Variants in NAV2 observed in about 807,000 individuals in gnomAD.
The protein encoded by NAV2 is neuron navigator 2, also known as helicase, APC down-regulated 1.
A neutral mutation model predicts 223.2 loss-of-function variants in NAV2; 54 were observed. That is an observed-to-expected ratio of 0.24 (90% CI 0.19 to 0.30). The LOEUF is 0.30. NAV2 is among the 10% of genes least tolerant of loss of function. NAV2 has a pLI of 1.00. For synonymous variants in NAV2, 1,279 were observed against 1,239.3 expected (o/e 1.03, Z -0.67); for missense variants, 2,806 against 3,147.5 (o/e 0.89, Z 2.60).
rs563169592 is a variant in NAV2, at chr11:19,873,994, T to C, written c.511+4997T>C. On this transcript the variant is annotated intron_variant, in intron 4 of 37. Coordinates refer to ENST00000349880, the MANE Select transcript of NAV2 (RefSeq NM_145117.5). ...ACAACCATGGCTCAAAGGAATTGAATAGGAGTTCTGCAGCTCTGTGGTTTG... is the reference window on the plus strand; with the variant it reads ...ACAACCATGGCTCAAAGGAATTGAACAGGAGTTCTGCAGCTCTGTGGTTTG... Among the ~76,000 whole-genome samples, 3 of 152,328 alleles carry C rather than the reference T, an allele frequency of 2.0e-5. No individual in the cohort carries two copies. In the East Asian group the frequency reaches 5.8e-4, roughly 29 times the overall value.
chr11:19,358,210 G>A (rs142666938), intron 1 of NAV2, among the ~76,000 whole-genome samples: 33 of 152,304 alleles, frequency 2.2e-4, no homozygotes, highest in Non-Finnish European at 4.6e-4. Context: ...AGGAGATGCG[G>A]ATGGCAGAGC....
At chr11:19,997,128 A>G (rs1415827413) in intron 11 of NAV2, among the ~76,000 whole-genome samples, 1 of 152,170 alleles carries the variant, frequency 6.6e-6, no homozygotes, top group Non-Finnish European at 1.5e-5. Context: ...TTGAAGCCCT[A>G]GAGAAGATGT....
At chr11:20,093,663 C>T (rs987894087) in intron 29 of NAV2, among the ~76,000 whole-genome samples, 2 of 152,022 alleles carry the variant, frequency 1.3e-5, no homozygotes, top group South Asian at 4.2e-4. Context: ...GATGCCAAGC[C>T]CTGGGAGCAT....
At chr11:20,114,456 A>C in intron 36 of NAV2, 136 bp from the exon 37 acceptor site, 1 of 759,274 alleles carries the variant, frequency 1.3e-6, no homozygotes, top group Non-Finnish European at 2.2e-6. Context: ...CTTCCTGAGC[A>C]TGGAATAGAA....
At chr11:19,768,207 G>A (rs191385879) in intron 1 of NAV2, among the ~76,000 whole-genome samples, 130 of 152,344 alleles carry the variant, frequency 8.5e-4, no homozygotes, top group Middle Eastern at 3.4e-3. Flanking sequence ...AGGCAGGGAG[G>A]CAATCTCTGA....
At chr11:19,586,796 G>T (rs1049200278) in intron 1 of NAV2, among the ~76,000 whole-genome samples, 1 of 152,220 alleles carries the variant, frequency 6.6e-6, no homozygotes, top group South Asian at 2.1e-4. Context: ...CTACTGGGGG[G>T]TGCCTCCCAG....
At chr11:19,887,331 G>A (rs757378082) in intron 5 of NAV2, among the ~76,000 whole-genome samples, 10 of 151,890 alleles carry the variant, frequency 6.6e-5, no homozygotes, top group South Asian at 2.1e-4. Context: ...ATTGCCTCCC[G>A]GCCTCCCTGG....
intron 8 of NAV2, among the ~76,000 whole-genome samples, chr11:19,944,259 G>C (rs966852312): frequency 2.0e-5 from 3 of 152,184 alleles, no homozygotes; most frequent in African/African-American, 7.2e-5. Flanking sequence ...AGACTGCACT[G>C]TGTCCTAGCT....
chr11:19,978,209 G>A (rs2049973679), intron 10 of NAV2, among the ~76,000 whole-genome samples: 2 of 151,954 alleles, frequency 1.3e-5, no homozygotes, highest in South Asian at 2.1e-4. Context: ...GAGTGAAGTT[G>A]ATTCATCTGT....
intron 1 of NAV2, among the ~76,000 whole-genome samples, chr11:19,591,797 A>T (rs879388015): frequency 1.3e-5 from 2 of 152,196 alleles, no homozygotes; most frequent in African/African-American, 2.4e-5. Context: ...CTGAAATGGA[A>T]GATCTCTTTG....
At chr11:19,627,717 C>T (rs972444212) in intron 1 of NAV2, among the ~76,000 whole-genome samples, 1 of 152,002 alleles carries the variant, frequency 6.6e-6, no homozygotes, top group East Asian at 1.9e-4. Context: ...GGTAAGAGAA[C>T]ATGCCCCCTT....
intron 12 of NAV2, among the ~76,000 whole-genome samples, chr11:20,037,981 G>GAC (rs1439780601): frequency 1.3e-5 from 2 of 152,180 alleles, no homozygotes; most frequent in African/African-American, 4.8e-5. Context: ...ACTGCAGAGA[G>GAC]AGAGAGAGAG....
intron 1 of NAV2, among the ~76,000 whole-genome samples, chr11:19,356,163 T>A (rs778616486): frequency 2.0e-5 from 3 of 152,114 alleles, no homozygotes; most frequent in Non-Finnish European, 2.9e-5. Flanking sequence ...GGATGGACAG[T>A]GAGGACCTAC....
At position 20,063,012 on chromosome 11, in the gene NAV2, G is replaced by C. The variant is rs1056667092; in HGVS notation, c.4884+653G>C. 2.6e-5 allele frequency among the ~76,000 whole-genome samples: 4 copies of C among 152,122 alleles called. No homozygotes were observed. In the South Asian group the frequency reaches 8.3e-4, roughly 32 times the overall value. ...CCGAACAGCCTCAGTTTCTTTATCT[G>C]TAAAGTAGAAATAATAGCAGTTCCT... On this transcript the variant is annotated intron_variant, in intron 20 of 37. Transcript: ENST00000349880.
At chr11:20,080,242 G>A (rs377186552) in intron 25 of NAV2, 33 bp downstream of exon 25, 22 of 1,597,230 alleles carry the variant, frequency 1.4e-5, no homozygotes, top group East Asian at 2.3e-5. Flanking sequence ...GGGGACTGAC[G>A]GACAGAGTCA....
chr11:19,512,787 A>G lies in NAV2; in HGVS notation c.75+161760A>G, dbSNP rs939409120. On this transcript the variant is annotated intron_variant, in intron 1 of 37. Coordinates refer to the NAV2 transcript ENST00000360655. ...GTGTTTTCATACTGACATGCCACAC[A>G]GCCCTTCACAGGCATGCCACCAGAC... 3.9e-5 allele frequency among the ~76,000 whole-genome samples: 6 copies of G among 152,326 alleles called. 1 individual carries two copies. In the South Asian group the frequency reaches 1.2e-3, roughly 32 times the overall value.
At chr11:20,097,411 A>G (rs2061352218) in intron 30 of NAV2, among the ~76,000 whole-genome samples, 166 bp from the exon 31 acceptor site, 1 of 152,054 alleles carries the variant, frequency 6.6e-6, no homozygotes, top group Non-Finnish European at 1.5e-5. Context: ...CTCGGGCTTT[A>G]TCCCCTTAGA....
intron 1 of NAV2, among the ~76,000 whole-genome samples, chr11:19,521,910 C>G (rs940818322): frequency 2.0e-4 from 30 of 152,332 alleles, no homozygotes; most frequent in African/African-American, 6.5e-4. Context: ...TACTCTCTCT[C>G]CCACCCTCTG....
chr11:19,877,424 A>G (rs1210674251), intron 4 of NAV2, among the ~76,000 whole-genome samples: 1 of 150,488 alleles, frequency 6.6e-6, no homozygotes, highest in East Asian at 1.9e-4. Context: ...CTTAACTTTA[A>G]TAGACACTAA....
Sources: gnomAD v4.1 joint callset for allele counts (sites outside exome capture counted in the v4.1 genomes callset) on GRCh38, gnomAD v4.1.1 for gene constraint, MANE v1.5 for transcripts, NCBI Gene and HGNC (gene_info 2026-07-23, HGNC 2026-07-21) for gene names.